RBFOX1: variants seen among roughly 807,000 people sequenced by gnomAD.
The protein encoded by RBFOX1 is RNA binding fox-1 homolog 1, also known as RNA binding protein fox-1 homolog 1.
Under a neutral mutation model 57.7 loss-of-function variants are expected in RBFOX1, and 8 were observed. That is an observed-to-expected ratio of 0.14 (90% CI 0.08 to 0.25). The LOEUF is 0.25. Ranked by LOEUF, RBFOX1 falls within the 10% of genes least tolerant of loss-of-function variation. The probability of loss-of-function intolerance (pLI) is 1.00; values close to 1 mark genes in which losing one functional copy is unlikely to be tolerated. For missense variants in RBFOX1, 611 were observed against 548.5 expected, an observed-to-expected ratio of 1.11 and a Z score of -1.14; for synonymous variants, 326 against 222.4, an observed-to-expected ratio of 1.47 and a Z score of -4.15.
intron 3 of RBFOX1, among the ~76,000 whole-genome samples, chr16:6,775,099 G>T (rs1441385272): frequency 6.6e-6 from 1 of 151,430 alleles, no homozygotes; most frequent in Non-Finnish European, 1.5e-5. Context: ...GCCAGGTCTG[G>T]CGGATCACGA....
chr16:6,462,799 T>G (rs1007229098), intron 2 of RBFOX1, among the ~76,000 whole-genome samples: 2 of 151,996 alleles, frequency 1.3e-5, no homozygotes. Context: ...TAAAAAGTAT[T>G]GAGTATACAC....
intron 4 of RBFOX1, among the ~76,000 whole-genome samples, chr16:7,444,201 T>G (rs1215901521): frequency 6.6e-6 from 1 of 152,240 alleles, no homozygotes; most frequent in African/African-American, 2.4e-5. Flanking sequence ...TTAAGTCTCA[T>G]GTAAATATCT....
At chr16:7,186,197 T>A (rs941323868) in intron 4 of RBFOX1, among the ~76,000 whole-genome samples, 2 of 149,148 alleles carry the variant, frequency 1.3e-5, no homozygotes, top group Non-Finnish European at 1.5e-5. Context: ...TATACATAAA[T>A]ATAAATGTGT....
intron 3 of RBFOX1, among the ~76,000 whole-genome samples, chr16:6,904,710 C>T (rs1226219673): frequency 6.6e-6 from 1 of 151,342 alleles, no homozygotes; most frequent in South Asian, 2.1e-4. Context: ...TCAGTTTCTC[C>T]TTGGTTTTCT....
At chr16:7,038,229 C>T (rs1311469634) in intron 3 of RBFOX1, among the ~76,000 whole-genome samples, 3 of 152,002 alleles carry the variant, frequency 2.0e-5, no homozygotes, top group African/African-American at 7.3e-5. Flanking sequence ...ATGCCAAGCC[C>T]TTTTAGTTAC....
At chr16:5,422,486 A>G in intron 1 of RBFOX1, among the ~76,000 whole-genome samples, 1 of 89,692 alleles carries the variant, frequency 1.1e-5, no homozygotes, top group Non-Finnish European at 2.2e-5. Flanking sequence ...AGGAGGAGGG[A>G]GCGGGAGGAG....
intron 4 of RBFOX1, among the ~76,000 whole-genome samples, chr16:7,076,198 T>A (rs1428917240): frequency 6.6e-6 from 1 of 151,730 alleles, no homozygotes; most frequent in East Asian, 2.0e-4. Flanking sequence ...CACTACCTGC[T>A]AATTTTTTGT....
rs1315558905 is a variant in RBFOX1 at position 6,315,567 on chromosome 16, GGATGGATGGATA to G, written c.-126-1416_-126-1405del. On this transcript the variant is annotated intron_variant, in intron 1 of 15. Transcript: ENST00000550418. ...TGGATGGATGGATGGATGGATGGAT[GGATGGATGGATA>G]GATGGATGGATGGATAGATGGATGG... Among the ~76,000 whole-genome samples, 148 of 71,390 alleles carry G rather than the reference GGATGGATGGATA, an allele frequency of 2.1e-3. No homozygotes were observed. In the East Asian group the frequency reaches 0.035, roughly 17 times the overall value. The allele number at this position is 71,390 out of a possible 152,430, so 46.8% of individuals were successfully genotyped here.
chr16:6,627,243 T>A (rs2098323210), intron 2 of RBFOX1, among the ~76,000 whole-genome samples: 1 of 152,168 alleles, frequency 6.6e-6, no homozygotes, highest in Non-Finnish European at 1.5e-5. Context: ...GAGATGGGGC[T>A]TTGAAGCTGG....
At chr16:6,337,929 A>G (rs1336262371) in intron 2 of RBFOX1, among the ~76,000 whole-genome samples, 2 of 152,144 alleles carry the variant, frequency 1.3e-5, no homozygotes, top group East Asian at 1.9e-4. Context: ...CTCAGTCCCA[A>G]TGCATGCCAA....
chr16:5,459,817 T>A (rs1567543672), intron 1 of RBFOX1, among the ~76,000 whole-genome samples: 2 of 152,018 alleles, frequency 1.3e-5, no homozygotes, highest in Non-Finnish European at 2.9e-5. Context: ...AGAGACTGCT[T>A]ACACTGAGAT....
At chr16:5,733,785 G>A (rs1323513344) in intron 3 of RBFOX1, among the ~76,000 whole-genome samples, 1 of 150,320 alleles carries the variant, frequency 6.7e-6, no homozygotes, top group Non-Finnish European at 1.5e-5. Flanking sequence ...TTTCTTCCCA[G>A]CCCTTCCTTC....
At chr16:7,166,408 A>T (rs1470013348) in intron 4 of RBFOX1, among the ~76,000 whole-genome samples, 5 of 152,128 alleles carry the variant, frequency 3.3e-5, no homozygotes, top group Admixed American at 6.5e-5. Flanking sequence ...GTAAGGAAAG[A>T]TAGAAAACTA....
intron 4 of RBFOX1, among the ~76,000 whole-genome samples, chr16:7,361,247 A>G (rs1216807842): frequency 2.6e-5 from 4 of 151,968 alleles, no homozygotes; most frequent in Admixed American, 6.6e-5. Flanking sequence ...TGTTTGTGTC[A>G]TTGCACACTT....
chr16:6,947,811 C>T (rs2079862221), intron 3 of RBFOX1, among the ~76,000 whole-genome samples: 1 of 152,118 alleles, frequency 6.6e-6, no homozygotes, highest in Non-Finnish European at 1.5e-5. Context: ...GAGTCTTGCT[C>T]TGTCGCTCAA....
chr16:7,259,425 T>C (rs1348719880), intron 4 of RBFOX1, among the ~76,000 whole-genome samples: 2 of 152,010 alleles, frequency 1.3e-5, no homozygotes, highest in Admixed American at 1.3e-4. Context: ...TTTTAATGAG[T>C]GAGACCCCTG....
intron 3 of RBFOX1, among the ~76,000 whole-genome samples, chr16:6,656,971 TCCTCC>T (rs1192176306): frequency 3.2e-3 from 297 of 93,804 alleles, no homozygotes; most frequent in African/African-American, 0.013. Flanking sequence ...TCCTCTCCTC[TCCTCC>T]CCTTTCCTCT....
intron 4 of RBFOX1, among the ~76,000 whole-genome samples, chr16:7,517,308 C>T (rs887647937): frequency 6.6e-6 from 1 of 151,826 alleles, no homozygotes; most frequent in African/African-American, 2.4e-5. Context: ...CTGTAATTGT[C>T]ACACTGCCTG....
intron 4 of RBFOX1, among the ~76,000 whole-genome samples, chr16:7,346,692 A>T (rs972366192): frequency 1.4e-4 from 22 of 151,986 alleles, no homozygotes; most frequent in Non-Finnish European, 1.5e-4. Context: ...AGACAAGTTG[A>T]TGTCAACTTA....
Sources: allele counts gnomAD v4.1 joint callset (sites outside exome capture counted in the v4.1 genomes callset), GRCh38; gene constraint gnomAD v4.1.1; transcripts MANE v1.5; gene names NCBI Gene and HGNC (gene_info 2026-07-23, HGNC 2026-07-21).